The following MACROD2 variants were observed in gnomAD, a reference collection of about 807,000 sequenced individuals.
The protein encoded by MACROD2 is ADP-ribose glycohydrolase MACROD2.
In MACROD2, 36 loss-of-function variants were observed where a neutral mutation model predicts 70.4. The ratio of observed to expected loss-of-function variants is 0.51; its 90% CI spans 0.39 to 0.68. The LOEUF is 0.68. MACROD2 is among the 30% of genes least tolerant of loss of function. MACROD2 has a pLI of 0.00. For missense variants in MACROD2, 496 were observed against 538.4 expected (o/e 0.92, Z 0.78); for synonymous variants, 172 against 178.8 (o/e 0.96, Z 0.30).
At chr20:14,544,974 C>T (rs1046990406) in intron 4 of MACROD2, among the ~76,000 whole-genome samples, 3 of 152,138 alleles carry the variant, frequency 2.0e-5, no homozygotes, top group South Asian at 2.1e-4. Flanking sequence ...GAAGTCAGCT[C>T]GGCCTGCCTG....
At chr20:15,630,813 T>A (rs1471430510) in intron 8 of MACROD2, among the ~76,000 whole-genome samples, 1 of 152,212 alleles carries the variant, frequency 6.6e-6, no homozygotes, top group African/African-American at 2.4e-5. Context: ...GTTTTTTCTC[T>A]TATAGATTTT....
intron 6 of MACROD2, among the ~76,000 whole-genome samples, chr20:15,426,612 TTTTTTTG>T (rs757660123): frequency 6.6e-4 from 101 of 152,048 alleles, no homozygotes; most frequent in Middle Eastern, 6.8e-3. Flanking sequence ...TCAAATGATT[TTTTTTTG>T]TTTTTTGTTT....
intron 5 of MACROD2, among the ~76,000 whole-genome samples, chr20:15,107,965 G>A (rs533753728): frequency 6.6e-6 from 1 of 150,950 alleles, no homozygotes; most frequent in African/African-American, 2.4e-5. Context: ...AAGTCCTATG[G>A]ACTCTTGAGA....
At chr20:15,494,715 A>G (rs1429749913) in intron 7 of MACROD2, among the ~76,000 whole-genome samples, 1 of 150,958 alleles carries the variant, frequency 6.6e-6, no homozygotes, top group Non-Finnish European at 1.5e-5. Context: ...GAAGTATCTT[A>G]TACCTTGAGC....
chr20:15,082,326 T>C (rs1011195557), intron 5 of MACROD2, among the ~76,000 whole-genome samples: 1 of 152,102 alleles, frequency 6.6e-6, no homozygotes, highest in Non-Finnish European at 1.5e-5. Context: ...AACTTTTATA[T>C]GGTCAGATTG....
intron 5 of MACROD2, among the ~76,000 whole-genome samples, chr20:15,062,655 T>C (rs1310227111): frequency 6.6e-6 from 1 of 152,236 alleles, no homozygotes; most frequent in African/African-American, 2.4e-5. Context: ...AATTAATCTA[T>C]TGATCACATA....
Position 15,781,140 on chromosome 20 carries a change from A to G in MACROD2, c.646-81605A>G, listed in dbSNP as rs76851826. On this transcript the variant is annotated intron_variant, in intron 8 of 17. Coordinates refer to ENST00000684519, the MANE Select transcript of MACROD2 (RefSeq NM_001351661.2). Reference sequence around the variant, plus strand: ...TATTTAATCCTCCCAATAAAACTCTATAGGAGAAATTCTCTTTACAAATAA... The same window carrying G: ...TATTTAATCCTCCCAATAAAACTCTGTAGGAGAAATTCTCTTTACAAATAA... Among the ~76,000 whole-genome samples, 387 of 152,282 alleles carry G rather than the reference A, an allele frequency of 2.5e-3. 2 individuals are homozygous for G. Among genetic ancestry groups the G allele is most frequent in the African/African-American group, 9.0e-3 (373 of 41,576 alleles).
chr20:15,855,862 T>C (rs1433619348), intron 8 of MACROD2, among the ~76,000 whole-genome samples: 1 of 152,232 alleles, frequency 6.6e-6, no homozygotes, highest in Non-Finnish European at 1.5e-5. Flanking sequence ...GGTTATAAAT[T>C]TTTTGTTCTC....
intron 8 of MACROD2, among the ~76,000 whole-genome samples, chr20:15,843,979 A>G (rs1241235242): frequency 2.0e-5 from 3 of 151,846 alleles, no homozygotes; most frequent in Non-Finnish European, 2.9e-5. Context: ...ATTGCCTTAT[A>G]TGGATAATCT....
Position 15,899,727 on chromosome 20 carries a change from G to A in MACROD2, c.775+13916G>A, listed in dbSNP as rs73597714. On this transcript the variant is annotated intron_variant, in intron 10 of 17. Transcript: ENST00000684519. ...CAATTGCCTTTACATAGAATATTCA[G>A]TAGGCATACGTGGGATGCTCATTCA... 3.9e-3 allele frequency among the ~76,000 whole-genome samples: 590 copies of A among 152,240 alleles called. 2 individuals carry two copies. The highest frequency in any genetic ancestry group is 0.023 in the South Asian group (112 of 4,824).
At chr20:14,209,897 C>A (rs965894514) in intron 3 of MACROD2, among the ~76,000 whole-genome samples, 2 of 152,154 alleles carry the variant, frequency 1.3e-5, no homozygotes, top group Non-Finnish European at 2.9e-5. Flanking sequence ...GGTCAACTAA[C>A]AATTTTTATC....
chr20:14,149,017 C>G (rs2054978523), intron 3 of MACROD2, among the ~76,000 whole-genome samples: 1 of 152,074 alleles, frequency 6.6e-6, no homozygotes, highest in Admixed American at 6.6e-5. Flanking sequence ...CCCTACCTCT[C>G]TCTGTACCTA....
At chr20:15,762,649 C>T (rs2051454899) in intron 8 of MACROD2, among the ~76,000 whole-genome samples, 5 of 152,172 alleles carry the variant, frequency 3.3e-5, no homozygotes, top group African/African-American at 9.6e-5. Flanking sequence ...TGCAGCTGCT[C>T]ATCCTCTTGC....
chr20:14,981,446 ATATATATGTG>A lies in MACROD2; in HGVS notation c.419-248492_419-248483del, dbSNP rs933983579. ...TATATGTATATGTATATATATATAT[ATATATATGTG>A]TGTGTGTGTCTGTGTGTGTGTCGGT... On this transcript the variant is annotated intron_variant, in intron 5 of 17. Coordinates refer to ENST00000684519, the MANE Select transcript of MACROD2 (RefSeq NM_001351661.2). Among the ~76,000 whole-genome samples, 12 of 63,930 alleles carry A rather than the reference ATATATATGTG, an allele frequency of 1.9e-4. No individual in the cohort carries two copies. In the Admixed American group the frequency reaches 1.9e-3, roughly 10 times the overall value. The allele number at this position is 63,930 out of a possible 152,430, so 41.9% of individuals were successfully genotyped here.
intron 6 of MACROD2, among the ~76,000 whole-genome samples, chr20:15,364,779 A>C (rs1046495525): frequency 6.6e-6 from 1 of 152,216 alleles, no homozygotes; most frequent in Non-Finnish European, 1.5e-5. Flanking sequence ...CTCACCAATG[A>C]AGGGAGCCCC....
intron 5 of MACROD2, among the ~76,000 whole-genome samples, chr20:14,971,912 A>G (rs542106973): frequency 3.9e-5 from 6 of 152,220 alleles, no homozygotes; most frequent in East Asian, 1.9e-4. Flanking sequence ...GCCTTTTCCT[A>G]TTGGCACAAC....
chr20:15,148,775 C>T (rs939914549), intron 5 of MACROD2, among the ~76,000 whole-genome samples: 2 of 152,008 alleles, frequency 1.3e-5, no homozygotes, highest in African/African-American at 4.8e-5. Flanking sequence ...AAGTATTGTC[C>T]AGTCCTTTTT....
chr20:14,133,996 G>A (rs891958220), intron 3 of MACROD2, among the ~76,000 whole-genome samples: 3 of 152,214 alleles, frequency 2.0e-5, no homozygotes, highest in African/African-American at 7.2e-5. Context: ...TCTAACTCCA[G>A]AGTTCCCTGC....
intron 6 of MACROD2, among the ~76,000 whole-genome samples, chr20:15,235,303 T>G (rs555703301): frequency 1.3e-5 from 2 of 152,336 alleles, no homozygotes; most frequent in East Asian, 3.9e-4. Flanking sequence ...GACTAAAACT[T>G]GTATGTTTGT....
Sources: gnomAD v4.1 joint callset for allele counts (sites outside exome capture counted in the v4.1 genomes callset) on GRCh38, gnomAD v4.1.1 for gene constraint, MANE v1.5 for transcripts, NCBI Gene and HGNC (gene_info 2026-07-23, HGNC 2026-07-21) for gene names.